The following PLXND1 variants were observed in gnomAD, a reference collection of about 807,000 sequenced individuals.
PLXND1 encodes plexin-D1.
A neutral mutation model predicts 197.7 loss-of-function variants in PLXND1; 54 were observed. That is an observed-to-expected ratio of 0.27 (90% CI 0.22 to 0.34). PLXND1 has a LOEUF of 0.34. Ranked by LOEUF, PLXND1 falls within the 10% of genes least tolerant of loss-of-function variation. The pLI is 1.00. For synonymous variants in PLXND1, 1,180 were observed against 1,161.2 expected, an observed-to-expected ratio of 1.02 and a Z score of -0.33; for missense variants, 2,127 against 2,699.2, an observed-to-expected ratio of 0.79 and a Z score of 4.70.
chr3:129,576,538 G>T (rs899259328), intron 9 of PLXND1, among the ~76,000 whole-genome samples: 3 of 152,134 alleles, frequency 2.0e-5, no homozygotes, highest in African/African-American at 7.2e-5. Context: ...CCTCTTGCCT[G>T]GCTGCTTACC....
rs2085284165 is a variant in PLXND1, at chr3:129,574,506, G to T, written c.2531-16C>A. 4 of 1,609,974 alleles carry T rather than the reference G, an allele frequency of 2.5e-6. No individual in the cohort carries two copies. The highest frequency in any genetic ancestry group is 3.4e-6 in the Non-Finnish European group (4 of 1,177,958). The stretch of plus-strand genomic sequence containing the variant: ...TAGACCATGACTGGGGAGACACGGG[G>T]CAGCTCGGTCAGCCCCGCTCTGCGG... On this transcript the variant is annotated splice_polypyrimidine_tract_variant and intron_variant, in intron 11 of 35. Coordinates refer to ENST00000324093, the MANE Select transcript of PLXND1 (RefSeq NM_015103.3).
chr3:129,580,613 G>A (rs1439138791), intron 8 of PLXND1, among the ~76,000 whole-genome samples: 1 of 152,078 alleles, frequency 6.6e-6, no homozygotes, highest in African/African-American at 2.4e-5. Context: ...AATGATGTGT[G>A]ACCATCCCCG....
chr3:129,573,476 CA>C, intron 13 of PLXND1, 117 bp downstream of exon 13: 1 of 1,078,722 alleles, frequency 9.3e-7, no homozygotes, highest in Non-Finnish European at 1.3e-6. Context: ...GGCCACGAAG[CA>C]ACAGTCTTCC....
intron 11 of PLXND1, among the ~76,000 whole-genome samples, chr3:129,574,828 G>A (rs1456137619): frequency 2.0e-5 from 3 of 152,232 alleles, no homozygotes; most frequent in African/African-American, 7.2e-5. Flanking sequence ...AGGCCTGTGG[G>A]TGGTAAAGCC....
At chr3:129,582,806 C>T (rs1323812140) in intron 8 of PLXND1, among the ~76,000 whole-genome samples, 1 of 152,222 alleles carries the variant, frequency 6.6e-6, no homozygotes, top group Admixed American at 6.5e-5. Flanking sequence ...TTTTACATTT[C>T]CTCCTCTTGC....
At chr3:129,563,740 C>T (rs2085097556) in intron 25 of PLXND1, among the ~76,000 whole-genome samples, 1 of 152,252 alleles carries the variant, frequency 6.6e-6, no homozygotes, top group Non-Finnish European at 1.5e-5. Context: ...CTGCTCTTGC[C>T]CATCTCCAAG....
chr3:129,581,097 C>A (rs1393856308), intron 8 of PLXND1, among the ~76,000 whole-genome samples: 2 of 152,214 alleles, frequency 1.3e-5, no homozygotes, highest in South Asian at 2.1e-4. Context: ...GAGACTCAGG[C>A]CCTAGCACCT....
At chr3:129,570,023 T>A in intron 19 of PLXND1, 66 bp from the exon 20 acceptor site, 7 of 904,376 alleles carry the variant, frequency 7.7e-6, no homozygotes, top group Non-Finnish European at 1.3e-5. Flanking sequence ...TGCTCCTCAC[T>A]TGCTGTGTGG....
In PLXND1 at chr3:129,573,682, C is replaced by A; in HGVS notation, c.2749G>T (p.Gly917Cys). The A allele has an allele frequency of 6.2e-7, 1 of 1,613,776 alleles. No individual in the cohort carries two copies. The change falls in exon 13 of 36, where the codon GGC becomes TGC. Residue 917 changes from glycine (G) to cysteine (C), a missense_variant. Transcript: ENST00000324093. Reference protein sequence around the residue: ...TLLTIRGRNLGRRLSDVAHGV... With the variant: ...TLLTIRGRNLCRRLSDVAHGV... ...TGGGCCACGTCACTGAGCCGCCGGC[C>A]CAGGTTCCTTCCTCGGATGGTCAGC...
At position 129,575,866 on chromosome 3, in the gene PLXND1, CAG is replaced by C. The variant is rs1304043014; in HGVS notation, c.2347-13_2347-12del. The C allele has an allele frequency of 1.3e-6, 2 of 1,585,136 alleles. No individual in the cohort carries two copies. The highest frequency in any genetic ancestry group is 1.3e-5 in the African/African-American group (1 of 74,326). On this transcript the variant is annotated splice_polypyrimidine_tract_variant and intron_variant, in intron 9 of 35. Transcript: ENST00000324093. Reference sequence around the variant, plus strand: ...CTCCAGGGCTGCACCCTGTGGGAAACAGGGAGTGGGAGGCGGGTTTGAGGAGA... The same window carrying C: ...CTCCAGGGCTGCACCCTGTGGGAAACGGAGTGGGAGGCGGGTTTGAGGAGA...
chr3:129,605,261 T>TTA, intron 1 of PLXND1, 68 bp downstream of exon 1: 1 of 493,838 alleles, frequency 2.0e-6, no homozygotes, highest in Non-Finnish European at 3.1e-6. Flanking sequence ...CCCGCTCGGT[T>TTA]CCCGCCCGCC....
At chr3:129,570,247 C>T (rs57800385) in intron 19 of PLXND1, among the ~76,000 whole-genome samples, 18,362 of 152,096 alleles carry the variant, frequency 0.12, 2,285 homozygotes, top group African/African-American at 0.32. Context: ...AAGCAGTTCA[C>T]GGGGCCTGGC....
At chr3:129,573,788 G>A (rs774778600) in intron 12 of PLXND1, 43 bp from the exon 13 acceptor site, 18 of 1,590,902 alleles carry the variant, frequency 1.1e-5, no homozygotes, top group Non-Finnish European at 1.5e-5. Context: ...ATCTGAGGCT[G>A]CAGGCCAGCA....
chr3:129,606,265 G>C lies in PLXND1; in HGVS notation c.375C>G (p.Asn125Lys). The change falls in exon 1 of 36, where the codon AAC becomes AAG. Residue 125 changes from asparagine (N) to lysine (K), a missense_variant. By Grantham distance (94) the Asn-to-Lys change is moderately conservative. Around this residue, in one of 6 missense-constraint regions of PLXND1, gnomAD observed 245 missense variants for 267.1 expected, o/e 0.92. Transcript: ENST00000324093. ...EHPRRLTDNY[N>K]KILQLDPGQG... ...GGCCGGGGTCCAGCTGCAGGATCTT[G>C]TTGTAGTTGTCCGTGAGGCGCCGCG... 6.4e-7 allele frequency: 1 copy of C among 1,556,706 alleles called. No homozygotes were observed. The highest frequency in any genetic ancestry group is 8.6e-7 in the Non-Finnish European group (1 of 1,156,996).
rs181329049 is a variant in PLXND1, at chr3:129,585,380, G to A, written c.1851+572C>T. Among the ~76,000 whole-genome samples, 1,375 of 152,324 alleles carry A rather than the reference G, an allele frequency of 9.0e-3. 11 individuals carry two copies. Among genetic ancestry groups the A allele is most frequent in the Non-Finnish European group, 0.013 (898 of 68,024 alleles). On this transcript the variant is annotated intron_variant, in intron 5 of 35. Coordinates refer to ENST00000324093, the MANE Select transcript of PLXND1 (RefSeq NM_015103.3). ...ACCCTCGGCTCCCACCCCTTGCCGG[G>A]GCCCAGAATCCCCCACCGCCAAGGC...
rs56187821 is a variant in PLXND1, at chr3:129,592,068, C to T, written c.1312-2541G>A. On this transcript the variant is annotated intron_variant, in intron 1 of 35. Coordinates refer to ENST00000324093, the MANE Select transcript of PLXND1 (RefSeq NM_015103.3). ...CAAGCTCGTTCCTGCCTCAGGACCT[C>T]TGGCCTGGCCGCTCCCTCTGCCCAG... Among the ~76,000 whole-genome samples, 1,068 of 152,352 alleles carry T rather than the reference C, an allele frequency of 7.0e-3. 11 individuals are homozygous for T. The highest frequency in any genetic ancestry group is 0.027 in the South Asian group (132 of 4,830).
chr3:129,584,361 G>A (rs1368646318), intron 6 of PLXND1, 24 bp downstream of exon 6: 2 of 1,608,764 alleles, frequency 1.2e-6, no homozygotes, highest in East Asian at 2.2e-5. Flanking sequence ...CTCTGGGGCT[G>A]TGCCAACAGC....
chr3:129,561,919 CAGG>C lies in PLXND1; in HGVS notation c.4826-19_4826-17del. 6.3e-7 allele frequency: 1 copy of C among 1,585,104 alleles called. No individual in the cohort carries two copies. The highest frequency in any genetic ancestry group is 1.3e-5 in the African/African-American group (1 of 74,440). The stretch of plus-strand genomic sequence containing the variant: ...GCGAACCACTCTGGGGGACAAGGGA[CAGG>C]CCATCAGGGTCCGGGCAGGGAGCTG... On this transcript the variant is annotated splice_polypyrimidine_tract_variant and intron_variant, in intron 27 of 35. Coordinates refer to ENST00000324093, the MANE Select transcript of PLXND1 (RefSeq NM_015103.3).
At chr3:129,574,983 G>C (rs2085290711) in intron 11 of PLXND1, among the ~76,000 whole-genome samples, 1 of 152,188 alleles carries the variant, frequency 6.6e-6, no homozygotes, top group Non-Finnish European at 1.5e-5. Flanking sequence ...GGGTTCTCCA[G>C]GACCTTGGGT....
Sources: gnomAD v4.1 joint callset for allele counts (sites outside exome capture counted in the v4.1 genomes callset) on GRCh38, gnomAD v4.1.1 for gene constraint, gnomAD v4.1.1 regional missense constraint, MANE v1.5 for transcripts, NCBI Gene and HGNC (gene_info 2026-07-23, HGNC 2026-07-21) for gene names.